Variants in SFMBT1 observed in about 807,000 individuals in gnomAD.
SFMBT1 encodes the protein scm-like with four MBT domains protein 1.
A neutral mutation model predicts 108.7 loss-of-function variants in SFMBT1; 32 were observed. The ratio of observed to expected loss-of-function variants is 0.29; its 90% CI spans 0.22 to 0.40. SFMBT1 has a LOEUF of 0.40. SFMBT1 is among the 10% of genes least tolerant of loss of function. The pLI is 1.00. For missense variants in SFMBT1, 816 were observed against 1,059.6 expected (o/e 0.77, Z 3.19); for synonymous variants, 348 against 369.5 (o/e 0.94, Z 0.67).
At chr3:52,998,876 G>A (rs1017575491) in intron 1 of SFMBT1, among the ~76,000 whole-genome samples, 4 of 150,444 alleles carry the variant, frequency 2.7e-5, no homozygotes, top group Admixed American at 6.7e-5. Context: ...AGCGCTGCTC[G>A]CCTAGCTGTT....
At chr3:53,042,975 G>A (rs1412167599) in intron 1 of SFMBT1, among the ~76,000 whole-genome samples, 2 of 152,202 alleles carry the variant, frequency 1.3e-5, no homozygotes, top group African/African-American at 2.4e-5. Context: ...ATTATTCAGC[G>A]AAATCATTTC....
rs1295092226 is a variant in SFMBT1 at position 52,972,640 on chromosome 3, G to A, written c.-130-3382C>T. On this transcript the variant is annotated intron_variant, in intron 1 of 20. Transcript: ENST00000394752. ...TACTCATTTAAGGCCTGGTGAGGTG[G>A]CTCACGCCTGTAATCCCAGCACTTT... Among the ~76,000 whole-genome samples the A allele has an allele frequency of 2.0e-5, 3 of 151,920 alleles. 1 individual carries two copies. Among genetic ancestry groups the A allele is most frequent in the Non-Finnish European group, 2.9e-5 (2 of 67,998 alleles).
At chr3:53,036,009 C>T (rs991859926) in intron 1 of SFMBT1, among the ~76,000 whole-genome samples, 1 of 152,178 alleles carries the variant, frequency 6.6e-6, no homozygotes, top group African/African-American at 2.4e-5. Context: ...TTTTCCTTGG[C>T]AAGGTTCATC....
At chr3:52,926,921 T>C (rs901626226) in intron 9 of SFMBT1, among the ~76,000 whole-genome samples, 4 of 152,162 alleles carry the variant, frequency 2.6e-5, no homozygotes, top group Non-Finnish European at 1.5e-5. Flanking sequence ...TGGCACCATG[T>C]TCTCCCTTTG....
chr3:52,958,981 A>G (rs1260011223), intron 2 of SFMBT1, among the ~76,000 whole-genome samples: 1 of 152,238 alleles, frequency 6.6e-6, no homozygotes, highest in Non-Finnish European at 1.5e-5. Context: ...TTGCAGGGAC[A>G]TGGATGGAGC....
intron 7 of SFMBT1, 137 bp from the exon 8 acceptor site, chr3:52,930,567 T>G (rs2106794771): frequency 1.6e-6 from 1 of 606,588 alleles, no homozygotes; most frequent in East Asian, 2.8e-5. Context: ...TGTGCAAAAC[T>G]ATCCAATATA....
At chr3:52,930,172 T>C (rs571521630) in intron 8 of SFMBT1, among the ~76,000 whole-genome samples, 157 bp downstream of exon 8, 2 of 152,218 alleles carry the variant, frequency 1.3e-5, no homozygotes, top group Non-Finnish European at 2.9e-5. Flanking sequence ...CACAGCAAAC[T>C]GGACAAATAC....
chr3:53,002,234 C>T (rs1022819222), intron 1 of SFMBT1, among the ~76,000 whole-genome samples: 1 of 148,548 alleles, frequency 6.7e-6, no homozygotes, highest in Non-Finnish European at 1.5e-5. Flanking sequence ...CCTGTCTCTA[C>T]TAAAAATACA....
At chr3:52,942,112 C>T (rs1295108474) in intron 4 of SFMBT1, among the ~76,000 whole-genome samples, 2 of 151,868 alleles carry the variant, frequency 1.3e-5, no homozygotes, top group Non-Finnish European at 2.9e-5. Flanking sequence ...AAAATAAAAA[C>T]AAAAATACTA....
intron 13 of SFMBT1, among the ~76,000 whole-genome samples, chr3:52,917,916 T>C (rs2106774851): frequency 6.6e-6 from 1 of 152,326 alleles, no homozygotes; most frequent in Middle Eastern, 3.4e-3. Context: ...GTATTTTGTA[T>C]GGCAGCCCCA....
Position 52,994,646 on chromosome 3 carries a change from T to G in SFMBT1, c.-130-25388A>C, listed in dbSNP as rs1411230130. 2.0e-5 allele frequency among the ~76,000 whole-genome samples: 3 copies of G among 150,268 alleles called. 1 individual carries two copies. The highest frequency in any genetic ancestry group is 4.5e-5 in the Non-Finnish European group (3 of 67,088). On this transcript the variant is annotated intron_variant, in intron 1 of 20. Coordinates refer to ENST00000394752, the MANE Select transcript of SFMBT1 (RefSeq NM_016329.4). ...TCCCAAGTAGCTGGGATTACAGGTG[T>G]GCACCATCACGCCCAGCTAATTTTT...
chr3:53,031,895 T>A (rs897656640), intron 1 of SFMBT1, among the ~76,000 whole-genome samples: 1 of 152,224 alleles, frequency 6.6e-6, no homozygotes, highest in Non-Finnish European at 1.5e-5. Flanking sequence ...AAGCATTTTA[T>A]GATAAATTAA....
At chr3:52,958,533 G>T (rs1703858181) in intron 2 of SFMBT1, among the ~76,000 whole-genome samples, 1 of 152,240 alleles carries the variant, frequency 6.6e-6, no homozygotes, top group Non-Finnish European at 1.5e-5. Context: ...GGAGGTGGCA[G>T]TGAGCAGAGA....
intron 16 of SFMBT1, among the ~76,000 whole-genome samples, chr3:52,911,692 T>C (rs1702216488): frequency 6.6e-6 from 1 of 152,232 alleles, no homozygotes; most frequent in South Asian, 2.1e-4. Flanking sequence ...ATGTCTTAAA[T>C]TTCTTATTTC....
At chr3:53,029,651 T>C (rs1048441651) in intron 1 of SFMBT1, among the ~76,000 whole-genome samples, 1 of 152,246 alleles carries the variant, frequency 6.6e-6, no homozygotes, top group African/African-American at 2.4e-5. Context: ...AGTATCTGAA[T>C]TCATAACAAG....
rs183830809 is a variant in SFMBT1, at chr3:52,945,265, G to A, written c.124-1672C>T. Among the ~76,000 whole-genome samples, 6 of 151,880 alleles carry A rather than the reference G, an allele frequency of 4.0e-5. No homozygotes were observed. In the East Asian group the frequency reaches 9.7e-4, roughly 24 times the overall value. ...AGGAAATGATCAAAAAATTATGGGA[G>A]TATGTTGAAGGAACATACAAGACAA... On this transcript the variant is annotated intron_variant, in intron 3 of 20. Transcript: ENST00000394752.
At chr3:52,955,041 G>C (rs1703733844) in intron 2 of SFMBT1, among the ~76,000 whole-genome samples, 1 of 151,992 alleles carries the variant, frequency 6.6e-6, no homozygotes, top group South Asian at 2.1e-4. Flanking sequence ...GCTAGCAGGA[G>C]ACCAGAAATA....
intron 1 of SFMBT1, among the ~76,000 whole-genome samples, chr3:53,033,974 G>A (rs768545318): frequency 1.1e-4 from 16 of 150,804 alleles, no homozygotes; most frequent in Non-Finnish European, 1.9e-4. Flanking sequence ...GGAGGCTGAG[G>A]CAGGAGAACT....
At chr3:52,966,662 C>G (rs1401182519) in intron 2 of SFMBT1, among the ~76,000 whole-genome samples, 2 of 144,210 alleles carry the variant, frequency 1.4e-5, no homozygotes, top group African/African-American at 5.0e-5. Flanking sequence ...AAAGAAAATT[C>G]TCTAAATAGA....
Sources: gnomAD v4.1 joint callset for allele counts (sites outside exome capture counted in the v4.1 genomes callset) on GRCh38, gnomAD v4.1.1 for gene constraint, MANE v1.5 for transcripts, NCBI Gene and HGNC (gene_info 2026-07-23, HGNC 2026-07-21) for gene names.